The following NR3C2 variants were observed in gnomAD, a reference collection of about 807,000 sequenced individuals.
NR3C2 encodes the protein nuclear receptor subfamily 3 group C member 2.
NR3C2 carries 15 observed loss-of-function variants against 86.4 expected under a neutral mutation model. The observed-to-expected ratio is 0.17, with a 90% CI of 0.12 to 0.27. The LOEUF (loss-of-function observed/expected upper bound fraction) is 0.27, where lower values mean the gene tolerates loss of function less well. Ranked by LOEUF, NR3C2 falls within the 10% of genes least tolerant of loss-of-function variation. The pLI is 1.00. For synonymous variants in NR3C2, 458 were observed against 450.5 expected, an observed-to-expected ratio of 1.02 and a Z score of -0.21; for missense variants, 960 against 1,195.6, an observed-to-expected ratio of 0.80 and a Z score of 2.91.
intron 3 of NR3C2, among the ~76,000 whole-genome samples, chr4:148,221,901 A>AG (rs1737873639): frequency 6.6e-6 from 1 of 151,338 alleles, no homozygotes. Flanking sequence ...CTTAAAAAAA[A>AG]AAAAAAAAAA....
Position 148,436,409 on chromosome 4 carries a change from G to A in NR3C2, c.452C>T (p.Pro151Leu), listed in dbSNP as rs1334509971. The A allele has an allele frequency of 1.2e-6, 2 of 1,614,062 alleles. No individual in the cohort carries two copies. The highest frequency in any genetic ancestry group is 2.7e-5 in the African/African-American group (2 of 74,924). ...CGTGTTCACACAACTTAGAGTGGAA[G>A]GACGATGGCCATTTCCTTTGTAAAA... Reference protein sequence around the residue: ...VKFYKGNGHRPSTLSCVNTPL... With the variant: ...VKFYKGNGHRLSTLSCVNTPL... The change falls in exon 2 of 9, where the codon CCT (proline) becomes CTT (leucine). Residue 151 changes from proline to leucine, a missense_variant. Coordinates refer to ENST00000358102, the MANE Select transcript of NR3C2 (RefSeq NM_000901.5).
intron 8 of NR3C2, among the ~76,000 whole-genome samples, chr4:148,094,487 G>A (rs1731191487): frequency 2.0e-5 from 3 of 152,168 alleles, no homozygotes; most frequent in South Asian, 2.1e-4. Flanking sequence ...GCTGAGGTGG[G>A]TGGACCACCT....
intron 2 of NR3C2, among the ~76,000 whole-genome samples, chr4:148,303,431 A>T (rs1365739736): frequency 6.6e-6 from 1 of 152,210 alleles, no homozygotes; most frequent in Non-Finnish European, 1.5e-5. Flanking sequence ...TTTTTGGGAA[A>T]GTAAGACCAA....
chr4:148,107,065 G>C (rs1731831890), intron 8 of NR3C2, among the ~76,000 whole-genome samples: 1 of 152,084 alleles, frequency 6.6e-6, no homozygotes, highest in African/African-American at 2.4e-5. Context: ...TTATCAGACT[G>C]AACAGGTGAC....
chr4:148,441,068 G>T (rs577117918), intron 1 of NR3C2, among the ~76,000 whole-genome samples: 2 of 152,042 alleles, frequency 1.3e-5, no homozygotes, highest in Non-Finnish European at 2.9e-5. Context: ...TTATAGATGA[G>T]GTAAATGATA....
intron 2 of NR3C2, among the ~76,000 whole-genome samples, chr4:148,360,678 T>G (rs1561063352): frequency 6.6e-6 from 1 of 152,220 alleles, no homozygotes; most frequent in Non-Finnish European, 1.5e-5. Flanking sequence ...GTTTGAAATA[T>G]TTTGATTCTG....
At chr4:148,161,790 T>C (rs1187795068) in intron 4 of NR3C2, among the ~76,000 whole-genome samples, 1 of 152,208 alleles carries the variant, frequency 6.6e-6, no homozygotes, top group African/African-American at 2.4e-5. Context: ...TAACAAGATC[T>C]GAGCCCTGAT....
chr4:148,307,111 A>T (rs1301879384), intron 2 of NR3C2, among the ~76,000 whole-genome samples: 2 of 151,954 alleles, frequency 1.3e-5, no homozygotes, highest in South Asian at 2.1e-4. Context: ...ATAAGAAACC[A>T]TGTTATAATC....
Position 148,250,076 on chromosome 4 carries a change from T to C in NR3C2, c.1897+9902A>G, listed in dbSNP as rs138431534. 2.6e-5 allele frequency among the ~76,000 whole-genome samples: 4 copies of C among 152,286 alleles called. No individual in the cohort carries two copies. The East Asian group carries it at 5.8e-4, about 22-fold the overall frequency. ...TTGCCTCAGAACAGTGCCGAGTGTCTAAGTGGGGCAGACTCTGGAAAAAAT... is the reference window on the plus strand; with the variant it reads ...TTGCCTCAGAACAGTGCCGAGTGTCCAAGTGGGGCAGACTCTGGAAAAAAT... On this transcript the variant is annotated intron_variant, in intron 3 of 8. Coordinates refer to ENST00000358102, the MANE Select transcript of NR3C2 (RefSeq NM_000901.5).
chr4:148,215,170 G>A (rs1737467175), intron 3 of NR3C2, among the ~76,000 whole-genome samples: 2 of 152,214 alleles, frequency 1.3e-5, no homozygotes, highest in Non-Finnish European at 2.9e-5. Flanking sequence ...GTATGAAAAG[G>A]GAAAACAAGG....
intron 4 of NR3C2, among the ~76,000 whole-genome samples, chr4:148,182,532 C>CT (rs1487349510): frequency 6.6e-6 from 1 of 152,162 alleles, no homozygotes; most frequent in Non-Finnish European, 1.5e-5. Flanking sequence ...TCAGAGTGAG[C>CT]TTTTTTCAGC....
rs1016173670 is a variant in NR3C2, at chr4:148,243,781, G to A, written c.1897+16197C>T. Among the ~76,000 whole-genome samples the A allele has an allele frequency of 2.0e-5, 3 of 152,152 alleles. No individual in the cohort carries two copies. The South Asian group carries it at 6.2e-4, about 32-fold the overall frequency. ...GCAGCCGCTATGATTTCTTACCATA[G>A]TATAGAGCATTTGGCACCCATGAAA... On this transcript the variant is annotated intron_variant, in intron 3 of 8. Coordinates refer to ENST00000358102, the MANE Select transcript of NR3C2 (RefSeq NM_000901.5).
chr4:148,231,910 TA>T (rs1307791904), intron 3 of NR3C2, among the ~76,000 whole-genome samples: 1 of 152,200 alleles, frequency 6.6e-6, no homozygotes, highest in East Asian at 1.9e-4. Context: ...TCCTCATCCA[TA>T]AAAAGCATTT....
At chr4:148,271,475 TAAGATTTTCGGCACACACTGAACTA>T in intron 2 of NR3C2, among the ~76,000 whole-genome samples, 1 of 152,056 alleles carries the variant, frequency 6.6e-6, no homozygotes, top group Non-Finnish European at 1.5e-5. Flanking sequence ...TTTTGGCCAC[TAAGATTTTCGGCACACACTGAACTA>T]GTGCTGCTCC....
At chr4:148,375,206 A>G (rs893569605) in intron 2 of NR3C2, among the ~76,000 whole-genome samples, 1 of 152,182 alleles carries the variant, frequency 6.6e-6, no homozygotes, top group Non-Finnish European at 1.5e-5. Context: ...CTGTATCCTC[A>G]CCACTTTGGG....
chr4:148,266,593 T>C (rs1006490548), intron 2 of NR3C2, among the ~76,000 whole-genome samples: 1 of 152,198 alleles, frequency 6.6e-6, no homozygotes, highest in African/African-American at 2.4e-5. Context: ...CTGGATCCCA[T>C]GGCTTTGGAA....
intron 4 of NR3C2, among the ~76,000 whole-genome samples, chr4:148,171,625 G>A (rs1314344798): frequency 6.6e-6 from 1 of 152,204 alleles, no homozygotes; most frequent in Non-Finnish European, 1.5e-5. Flanking sequence ...TGTGGCTGCT[G>A]ATCTGACAGA....
At chr4:148,186,104 GTTTAAC>G (rs973414977) in intron 4 of NR3C2, among the ~76,000 whole-genome samples, 1 of 152,154 alleles carries the variant, frequency 6.6e-6, no homozygotes, top group Non-Finnish European at 1.5e-5. Flanking sequence ...TCATCAATGA[GTTTAAC>G]TTTATTTCCA....
At chr4:148,440,060 T>C (rs1750261781) in intron 1 of NR3C2, among the ~76,000 whole-genome samples, 1 of 152,260 alleles carries the variant, frequency 6.6e-6, no homozygotes, top group South Asian at 2.1e-4. Context: ...AAATCTAAAT[T>C]ACTTTGTTTA....
Sources: allele counts gnomAD v4.1 joint callset (sites outside exome capture counted in the v4.1 genomes callset), GRCh38; gene constraint gnomAD v4.1.1; transcripts MANE v1.5; gene names NCBI Gene and HGNC (gene_info 2026-07-23, HGNC 2026-07-21).